ATP10B: variants seen among roughly 807,000 people sequenced by gnomAD.
The protein encoded by ATP10B is phospholipid-transporting ATPase VB.
In ATP10B, 122 loss-of-function variants were observed where a neutral mutation model predicts 141.2. The observed-to-expected ratio is 0.86, with a 90% confidence interval of 0.75 to 1.00. The LOEUF is 1.00. Ranked by LOEUF, ATP10B falls within the 50% of genes least tolerant of loss-of-function variation. The pLI, the probability that ATP10B is intolerant of heterozygous loss-of-function variation, is 0.00. For missense variants in ATP10B, 1,876 were observed against 1,825.3 expected, an observed-to-expected ratio of 1.03 and a Z score of -0.51; for synonymous variants, 685 against 692.0, an observed-to-expected ratio of 0.99 and a Z score of 0.16.
Position 160,687,791 on chromosome 5 carries a change from G to C in ATP10B, c.275+9C>G. On this transcript the variant is annotated intron_variant, in intron 5 of 25. Coordinates refer to ENST00000327245, the MANE Select transcript of ATP10B (RefSeq NM_025153.3). Reference sequence around the variant, plus strand: ...AAAAAGAGTATTGTTCAGACAAGTGGATCTCTACCTATGAAATTGCTCAAA... The same window carrying C: ...AAAAAGAGTATTGTTCAGACAAGTGCATCTCTACCTATGAAATTGCTCAAA... The C allele has an allele frequency of 3.7e-6, 6 of 1,611,880 alleles. No homozygotes were observed. The highest frequency in any genetic ancestry group is 5.1e-6 in the Non-Finnish European group (6 of 1,178,758).
At chr5:160,914,582 A>AT in the ATP10B span, among the ~76,000 whole-genome samples, 1 of 152,156 alleles carries the variant, frequency 6.6e-6, no homozygotes, top group African/African-American at 2.4e-5. Flanking sequence ...CTGTACTGCT[A>AT]TTTTTTATTG....
At chr5:160,909,002 C>T in the ATP10B span, among the ~76,000 whole-genome samples, 3 of 152,130 alleles carry the variant, frequency 2.0e-5, no homozygotes, top group Non-Finnish European at 2.9e-5. Flanking sequence ...CAAATATCTA[C>T]TATGTGCCAG....
intron 1 of ATP10B, among the ~76,000 whole-genome samples, chr5:160,834,747 T>C (rs1215697230): frequency 6.6e-6 from 1 of 152,144 alleles, no homozygotes; most frequent in Non-Finnish European, 1.5e-5. Flanking sequence ...GTTACACTCC[T>C]TGTGGTATAC....
At chr5:160,768,753 A>G (rs2127851995) in intron 2 of ATP10B, among the ~76,000 whole-genome samples, 1 of 152,302 alleles carries the variant, frequency 6.6e-6, no homozygotes, top group Admixed American at 6.5e-5. Context: ...CAAAGCTTTA[A>G]GAACATCCAG....
intron 22 of ATP10B, among the ~76,000 whole-genome samples, chr5:160,593,665 A>G (rs1472354049): frequency 6.6e-6 from 1 of 152,230 alleles, no homozygotes; most frequent in African/African-American, 2.4e-5. Context: ...AACTTTGCAA[A>G]AAATTTAGAT....
chr5:160,581,428 GGTTGTTCAGTTTCCATGTA>G (rs1755545914), intron 24 of ATP10B, among the ~76,000 whole-genome samples: 1 of 152,142 alleles, frequency 6.6e-6, no homozygotes, highest in Non-Finnish European at 1.5e-5. Context: ...TTCAGGAGCA[GGTTGTTCAGTTTCCATGTA>G]GTTGTTCAGT....
At chr5:160,639,941 A>G (rs115764877) in intron 10 of ATP10B, among the ~76,000 whole-genome samples, 1,703 of 152,370 alleles carry the variant, frequency 0.011, 28 homozygotes, top group African/African-American at 0.038. Flanking sequence ...TCTCATAAGA[A>G]GCACACAACC....
chr5:160,751,457 G>A lies in ATP10B; in HGVS notation c.-331+34102C>T, dbSNP rs184680722. 6.3e-4 allele frequency among the ~76,000 whole-genome samples: 96 copies of A among 152,338 alleles called. 1 individual carries two copies. The highest frequency in any genetic ancestry group is 8.5e-4 in the Non-Finnish European group (58 of 68,030). ...TGAAGTAAGCAGGTAGTGGATCTGA[G>A]TTGCCATGGAAACTGATAGCGGGCT... On this transcript the variant is annotated intron_variant, in intron 2 of 25. Coordinates refer to ENST00000327245, the MANE Select transcript of ATP10B (RefSeq NM_025153.3).
intron 2 of ATP10B, among the ~76,000 whole-genome samples, chr5:160,750,561 C>A (rs1269943481): frequency 6.6e-6 from 1 of 151,960 alleles, no homozygotes; most frequent in Non-Finnish European, 1.5e-5. Flanking sequence ...TCATCCATGA[C>A]CCACACTGTT....
At chr5:160,669,105 A>G (rs1000871717) in intron 7 of ATP10B, among the ~76,000 whole-genome samples, 1 of 152,372 alleles carries the variant, frequency 6.6e-6, no homozygotes, top group Middle Eastern at 3.4e-3. Context: ...GAAAAGTGAT[A>G]AAATTGTACT....
chr5:160,631,551 T>C (rs1487409639), intron 13 of ATP10B, among the ~76,000 whole-genome samples: 1 of 152,266 alleles, frequency 6.6e-6, no homozygotes, highest in Non-Finnish European at 1.5e-5. Flanking sequence ...TTCATAACTA[T>C]TTAAAACTTA....
chr5:160,678,370 A>C (rs1352939705), intron 6 of ATP10B, among the ~76,000 whole-genome samples: 8 of 152,336 alleles, frequency 5.3e-5, no homozygotes, highest in Non-Finnish European at 1.0e-4. Flanking sequence ...ATTAAAAAAA[A>C]AATTACTGGC....
chr5:160,771,421 G>C (rs7728711), intron 2 of ATP10B, among the ~76,000 whole-genome samples: 1 of 151,938 alleles, frequency 6.6e-6, no homozygotes, highest in Non-Finnish European at 1.5e-5. Context: ...TATGATTATA[G>C]AATAATGAGA....
At chr5:160,636,905 C>A (rs1759422536) in intron 10 of ATP10B, among the ~76,000 whole-genome samples, 1 of 151,698 alleles carries the variant, frequency 6.6e-6, no homozygotes, top group South Asian at 2.1e-4. Context: ...TCCATTCATC[C>A]ATTTTTCTAT....
intron 3 of ATP10B, among the ~76,000 whole-genome samples, chr5:160,697,334 T>C (rs1764427203): frequency 6.6e-6 from 1 of 152,088 alleles, no homozygotes; most frequent in Admixed American, 6.6e-5. Flanking sequence ...TATTCTGCAG[T>C]GGAGTTTGGA....
intron 24 of ATP10B, among the ~76,000 whole-genome samples, chr5:160,571,182 ACT>A (rs1362543451): frequency 6.6e-6 from 1 of 151,824 alleles, no homozygotes; most frequent in Admixed American, 6.6e-5. Context: ...TCTTTCTGAG[ACT>A]CTGATTAAAT....
intron 13 of ATP10B, among the ~76,000 whole-genome samples, chr5:160,630,398 C>G (rs1758856990): frequency 6.6e-6 from 1 of 152,190 alleles, no homozygotes; most frequent in South Asian, 2.1e-4. Context: ...GCTGCTGAGA[C>G]TTGTCAGACT....
the ATP10B span, among the ~76,000 whole-genome samples, chr5:160,926,576 G>A: frequency 6.6e-6 from 1 of 152,296 alleles, no homozygotes; most frequent in South Asian, 2.1e-4. Flanking sequence ...GGCTGGGGCT[G>A]ACGCCAGAAA....
intron 18 of ATP10B, among the ~76,000 whole-genome samples, chr5:160,607,877 T>G (rs1455901263): frequency 1.3e-5 from 2 of 152,242 alleles, no homozygotes; most frequent in African/African-American, 2.4e-5. Context: ...TGATATCAAC[T>G]TCTCTGAACA....
Sources: gnomAD v4.1 joint callset for allele counts (sites outside exome capture counted in the v4.1 genomes callset) on GRCh38, gnomAD v4.1.1 for gene constraint, MANE v1.5 for transcripts, NCBI Gene and HGNC (gene_info 2026-07-23, HGNC 2026-07-21) for gene names.